The following DIPK2B variants were observed in gnomAD, a reference collection of about 807,000 sequenced individuals.
DIPK2B encodes divergent protein kinase domain 2B.
In DIPK2B, 15 loss-of-function variants were observed where a neutral mutation model predicts 22.2. That is an observed-to-expected ratio of 0.68 (90% CI 0.45 to 1.04). DIPK2B has a LOEUF of 1.04. Among genes scored for constraint, DIPK2B ranks in the 50% least tolerant of loss-of-function variants. DIPK2B has a pLI of 0.00. For synonymous variants in DIPK2B, 163 were observed against 153.2 expected (o/e 1.06, Z -0.47); for missense variants, 345 against 348.3 (o/e 0.99, Z 0.08).
At chrX:45,160,294 G>A (rs913097038) in intron 2 of DIPK2B, among the ~76,000 whole-genome samples, 4 of 109,642 alleles carry the variant, frequency 3.6e-5, no homozygotes, top group Non-Finnish European at 5.7e-5. Flanking sequence ...TGCAACCTCC[G>A]GCTCCCAGGT....
rs751161453 is a variant in DIPK2B, at chrX:45,166,405, G to A, written c.499-8517C>T. The stretch of plus-strand genomic sequence containing the variant: ...CAACCCAGAGAAATGGGGTTTTATT[G>A]AGGCATGAGGGAAGGGCAGCGGGTT... On this transcript the variant is annotated intron_variant, in intron 2 of 4. Coordinates refer to ENST00000398000, the MANE Select transcript of DIPK2B (RefSeq NM_176819.4). Among the ~76,000 whole-genome samples, 10 of 111,138 alleles carry A rather than the reference G, an allele frequency of 9.0e-5. No individual in the cohort carries two copies. The East Asian group carries it at 2.6e-3, about 28-fold the overall frequency.
intron 2 of DIPK2B, among the ~76,000 whole-genome samples, chrX:45,183,897 A>T (rs2047167705): frequency 8.9e-6 from 1 of 112,046 alleles, no homozygotes; most frequent in Non-Finnish European, 1.9e-5. Context: ...GAGGACTAAG[A>T]CATAGATAAA....
At chrX:45,176,073 C>T (rs1000561617) in intron 2 of DIPK2B, among the ~76,000 whole-genome samples, 1 of 109,959 alleles carries the variant, frequency 9.1e-6, no homozygotes, top group South Asian at 3.9e-4. Flanking sequence ...GTAATGGGGA[C>T]CTCTTGCAGG....
At chrX:45,188,082 C>T (rs1486310683) in intron 2 of DIPK2B, among the ~76,000 whole-genome samples, 2 of 111,837 alleles carry the variant, frequency 1.8e-5, no homozygotes, top group African/African-American at 3.3e-5. Flanking sequence ...CTCCCAACCA[C>T]GCATCCTATA....
rs757375184 is a variant in DIPK2B at position 45,155,961 on chromosome X, CTTTT to C, written c.672+1750_672+1753del. Among the ~76,000 whole-genome samples the C allele has an allele frequency of 6.2e-4, 34 of 55,256 alleles. 1 individual carries two copies. Among genetic ancestry groups the C allele is most frequent in the African/African-American group, 2.1e-3 (29 of 13,759 alleles). 48.0% of individuals were successfully genotyped at this position (55,256 alleles called of 115,157 possible). On this transcript the variant is annotated intron_variant, in intron 3 of 4. Transcript: ENST00000398000. ...AGTTTCCCCTGCCTAAAGGGGACCT[CTTTT>C]TTTTTTTTTTTTTTTTTTTTAGACA... is the stretch of plus-strand genomic sequence containing the variant.
At chrX:45,166,745 C>T (rs1194267856) in intron 2 of DIPK2B, among the ~76,000 whole-genome samples, 1 of 112,155 alleles carries the variant, frequency 8.9e-6, no homozygotes, top group African/African-American at 3.2e-5. Flanking sequence ...AAAAAAAGAA[C>T]ATGAACTCCT....
chrX:45,151,755 A>G lies in DIPK2B; in HGVS notation c.1199T>C (p.Leu400Pro). The G allele has an allele frequency of 8.3e-7, 1 of 1,211,956 alleles. No homozygotes were observed. Among genetic ancestry groups the G allele is most frequent in the South Asian group, 1.8e-5 (1 of 57,014 alleles). Reference protein sequence around the residue: ...GDSIRPDPEVLGAASQLKDIL... With the variant: ...GDSIRPDPEVPGAASQLKDIL... Reference sequence around the variant, plus strand: ...GTCTTTCAGCTGGCTGGCGGCCCCAAGGACTTCTGGGTCTGGGCGGATGCT... The same window carrying G: ...GTCTTTCAGCTGGCTGGCGGCCCCAGGGACTTCTGGGTCTGGGCGGATGCT... The change falls in exon 5 of 5, where the codon CTT becomes CCT. Residue 400 changes from leucine (L) to proline (P), a missense_variant. Physicochemically the swap from Leu to Pro is moderately conservative, Grantham distance 98. Coordinates refer to ENST00000398000, the MANE Select transcript of DIPK2B (RefSeq NM_176819.4).
intron 2 of DIPK2B, among the ~76,000 whole-genome samples, chrX:45,172,181 G>C (rs979138288): frequency 1.8e-5 from 2 of 112,283 alleles, no homozygotes; most frequent in African/African-American, 6.5e-5. Flanking sequence ...GGGCTGGATG[G>C]ATGTACTTCT....
intron 1 of DIPK2B, among the ~76,000 whole-genome samples, 186 bp downstream of exon 1, chrX:45,200,408 G>A (rs1332248855): frequency 5.4e-5 from 6 of 111,942 alleles, no homozygotes; most frequent in Non-Finnish European, 1.1e-4. Context: ...ATTTAGGGCT[G>A]GAATTTGGCT....
intron 1 of DIPK2B, among the ~76,000 whole-genome samples, chrX:45,195,853 G>T (rs2047236924): frequency 8.9e-6 from 1 of 111,920 alleles, no homozygotes; most frequent in Non-Finnish European, 1.9e-5. Context: ...TGACACCTTT[G>T]TCTGAGACAG....
In DIPK2B at chrX:45,151,680, G is replaced by A; in HGVS notation, c.1274C>T (p.Pro425Leu). ...GAACTTATCGTTATATTTGCAATCT[G>A]GGTAACGATAGGCAAATCTGGAGTC... ...TCDSRFAYRY[P>L]DCKYNDKF is the part of the protein sequence containing the mutation. Residue 425 changes from proline (P) to leucine (L), a missense_variant, in exon 5 of 5, where the codon CCA (proline) becomes CTA (leucine). Pro to Leu is a moderately conservative substitution (Grantham distance 98, BLOSUM62 -3). Coordinates refer to ENST00000398000, the MANE Select transcript of DIPK2B (RefSeq NM_176819.4). 1 of 1,211,800 alleles carries A rather than the reference G, an allele frequency of 8.3e-7. No individual in the cohort carries two copies. Among genetic ancestry groups the A allele is most frequent in the Non-Finnish European group, 1.1e-6 (1 of 895,347 alleles).
At chrX:45,161,178 T>A in intron 2 of DIPK2B, among the ~76,000 whole-genome samples, 1 of 112,399 alleles carries the variant, frequency 8.9e-6, no homozygotes, top group Non-Finnish European at 1.9e-5. Flanking sequence ...GTAGCCTGGA[T>A]CCCTGACAAT....
intron 2 of DIPK2B, among the ~76,000 whole-genome samples, chrX:45,173,099 C>G (rs1021908462): frequency 3.8e-4 from 43 of 111,749 alleles, no homozygotes; most frequent in African/African-American, 1.3e-3. Context: ...GCAGAAGCAT[C>G]AGGAGATTGT....
At chrX:45,164,319 G>C (rs2047036938) in intron 2 of DIPK2B, 1 of 1,089,417 alleles carries the variant, frequency 9.2e-7, no homozygotes, top group African/African-American at 1.8e-5. Context: ...ATTAATTTTC[G>C]CAGCTCTGGC....
At position 45,154,135 on chromosome X, in the gene DIPK2B, C is replaced by T. The variant is rs749745316; in HGVS notation, c.736G>A (p.Val246Ile). The change falls in exon 4 of 5, where the codon GTC becomes ATC. Residue 246 changes from valine (V) to isoleucine (I), a missense_variant. By Grantham distance (29) the Val-to-Ile change is conservative (BLOSUM62 3). Coordinates refer to ENST00000398000, the MANE Select transcript of DIPK2B (RefSeq NM_176819.4). The stretch of plus-strand genomic sequence containing the variant: ...TGCAGCGGTCTGGTGCTGGTGCTGA[C>T]GAGGAATCTGCCACAGGAGCCCAGG... ...KYLGSCGRFLVSTSTRPLQEF... is the reference protein window; with the variant it reads ...KYLGSCGRFLISTSTRPLQEF... The T allele has an allele frequency of 1.7e-4, 210 of 1,208,230 alleles. 1 individual carries two copies. Among genetic ancestry groups the T allele is most frequent in the East Asian group, 3.0e-4 (10 of 33,716 alleles).
intron 2 of DIPK2B, among the ~76,000 whole-genome samples, chrX:45,165,141 A>T (rs5952295): frequency 0.3 from 33,289 of 109,789 alleles, 4,597 homozygotes; most frequent in African/African-American, 0.52. Context: ...TAGACAGATA[A>T]CATGGGCTGT....
intron 2 of DIPK2B, among the ~76,000 whole-genome samples, chrX:45,187,602 C>T (rs1027857959): frequency 9.0e-6 from 1 of 111,069 alleles, no homozygotes; most frequent in Non-Finnish European, 1.9e-5. Flanking sequence ...GATGCAGTGT[C>T]CTTAAATACA....
chrX:45,184,735 G>C (rs193120984), intron 2 of DIPK2B, among the ~76,000 whole-genome samples: 2 of 111,907 alleles, frequency 1.8e-5, no homozygotes, highest in East Asian at 5.6e-4. Flanking sequence ...ATTAATGACC[G>C]AACTTGTGTC....
chrX:45,165,261 A>G (rs1303151521), intron 2 of DIPK2B, among the ~76,000 whole-genome samples: 1 of 111,764 alleles, frequency 8.9e-6, no homozygotes, highest in Non-Finnish European at 1.9e-5. Context: ...TCAGATGGCT[A>G]TCATCTTTCC....
Sources: allele counts gnomAD v4.1 joint callset (sites outside exome capture counted in the v4.1 genomes callset), GRCh38; gene constraint gnomAD v4.1.1; transcripts MANE v1.5; gene names NCBI Gene and HGNC (gene_info 2026-07-23, HGNC 2026-07-21).